The following LEF1 variants were observed in gnomAD, a reference collection of about 807,000 sequenced individuals.
The protein encoded by LEF1 is lymphoid enhancer-binding factor 1.
LEF1 carries 14 observed loss-of-function variants against 51.2 expected under a neutral mutation model. That is an observed-to-expected ratio of 0.27 (90% CI 0.18 to 0.43). The LOEUF (loss-of-function observed/expected upper bound fraction) is 0.43. Among genes scored for constraint, LEF1 ranks in the 20% least tolerant of loss-of-function variants. The pLI is 1.00. For synonymous variants in LEF1, 185 were observed against 183.2 expected (o/e 1.01, Z -0.08); for missense variants, 386 against 512.0 (o/e 0.75, Z 2.37).
chr4:108,105,488 G>A (rs943974032), intron 3 of LEF1, among the ~76,000 whole-genome samples: 3 of 152,028 alleles, frequency 2.0e-5, no homozygotes, highest in Non-Finnish European at 2.9e-5. Context: ...GCCTGAACCC[G>A]CTTTTAATAT....
chr4:108,117,765 G>A (rs1206827401), intron 3 of LEF1, among the ~76,000 whole-genome samples: 1 of 152,190 alleles, frequency 6.6e-6, no homozygotes, highest in African/African-American at 2.4e-5. Flanking sequence ...AAGGGTCCCA[G>A]CAATGGGCAG....
chr4:108,049,504 G>C (rs137891706), intron 11 of LEF1, among the ~76,000 whole-genome samples: 252 of 152,294 alleles, frequency 1.7e-3, no homozygotes, highest in Non-Finnish European at 2.1e-3. Flanking sequence ...AACAAGATGA[G>C]ACAAAGACAA....
intron 3 of LEF1, among the ~76,000 whole-genome samples, chr4:108,118,901 C>T (rs1453473004): frequency 6.6e-6 from 1 of 151,498 alleles, no homozygotes; most frequent in Non-Finnish European, 1.5e-5. Context: ...TATTCTTGAG[C>T]TTCTTTTTGG....
At chr4:108,054,163 C>T (rs1224953250) in intron 11 of LEF1, among the ~76,000 whole-genome samples, 1 of 152,190 alleles carries the variant, frequency 6.6e-6, no homozygotes, top group Non-Finnish European at 1.5e-5. Context: ...ATCCTGGGTC[C>T]ATCGGTTACC....
intron 3 of LEF1, among the ~76,000 whole-genome samples, chr4:108,093,805 T>C (rs1006038296): frequency 6.6e-6 from 1 of 152,156 alleles, no homozygotes; most frequent in Non-Finnish European, 1.5e-5. Context: ...CAAGGATGGC[T>C]GTTTAGGGAG....
intron 6 of LEF1, among the ~76,000 whole-genome samples, chr4:108,080,916 A>G (rs1225791261): frequency 6.6e-6 from 1 of 152,114 alleles, no homozygotes; most frequent in Non-Finnish European, 1.5e-5. Flanking sequence ...ATGTGTGTGT[A>G]CATCAAGCAC....
chr4:108,166,353 A>G (rs1264869422), intron 1 of LEF1: 1 of 1,507,788 alleles, frequency 6.6e-7, no homozygotes, highest in African/African-American at 1.4e-5. Flanking sequence ...CGCCCTCAAA[A>G]CCACACACTT....
At chr4:108,063,028 C>A (rs1219632442) in intron 11 of LEF1, among the ~76,000 whole-genome samples, 1 of 151,948 alleles carries the variant, frequency 6.6e-6, no homozygotes, top group Non-Finnish European at 1.5e-5. Context: ...AATACTAGAG[C>A]AAAATCTAGC....
At chr4:108,083,672 A>C (rs967428778) in intron 4 of LEF1, among the ~76,000 whole-genome samples, 3 of 152,224 alleles carry the variant, frequency 2.0e-5, no homozygotes, top group Non-Finnish European at 4.4e-5. Context: ...ACAGGAGTAA[A>C]GATGCTGCTA....
At chr4:108,143,831 C>T (rs1055436665) in intron 3 of LEF1, among the ~76,000 whole-genome samples, 9 of 152,148 alleles carry the variant, frequency 5.9e-5, no homozygotes, top group Non-Finnish European at 8.8e-5. Context: ...CAGTAGCCCC[C>T]GGAGCTGTGG....
chr4:108,153,846 T>C (rs752137551), intron 3 of LEF1, among the ~76,000 whole-genome samples: 2 of 152,196 alleles, frequency 1.3e-5, no homozygotes, highest in Non-Finnish European at 2.9e-5. Flanking sequence ...TATTTATTAA[T>C]AGAAAAAGAT....
chr4:108,095,557 C>T (rs1244634593), intron 3 of LEF1, among the ~76,000 whole-genome samples: 1 of 152,100 alleles, frequency 6.6e-6, no homozygotes, highest in Admixed American at 6.6e-5. Flanking sequence ...CCTGCTGTGG[C>T]CTCAACTGTA....
chr4:108,081,560 G>C (rs368538594), intron 6 of LEF1, 26 bp downstream of exon 6: 1 of 1,591,162 alleles, frequency 6.3e-7, no homozygotes, highest in African/African-American at 1.3e-5. Flanking sequence ...TTGTCCTCGA[G>C]CGCCCCAGTT....
intron 11 of LEF1, among the ~76,000 whole-genome samples, chr4:108,058,567 C>T (rs1349973601): frequency 1.3e-5 from 2 of 152,014 alleles, no homozygotes; most frequent in African/African-American, 4.8e-5. Context: ...TATCAAACCC[C>T]CAAATTCCGC....
At chr4:108,078,415 G>C (rs748101059) in intron 7 of LEF1, 33 bp from the exon 8 acceptor site, 1 of 1,613,824 alleles carries the variant, frequency 6.2e-7, no homozygotes, top group Non-Finnish European at 8.5e-7. Context: ...GTTAGGGGAA[G>C]GGGTTGAAGG....
Position 108,048,197 on chromosome 4 carries a change from A to C in LEF1, c.*561T>G, listed in dbSNP as rs77399430. 1 of 150,456 alleles carries C rather than the reference A, an allele frequency of 6.6e-6. No individual in the cohort carries two copies. Among genetic ancestry groups the C allele is most frequent in the Non-Finnish European group, 1.5e-5 (1 of 67,548 alleles). The allele number at this position is 150,456 out of a possible 1,614,324, so 9.3% of individuals were successfully genotyped here. A position where few individuals can be genotyped will look rare whatever the true frequency, so the allele number is the denominator to read the frequency against. ...TAAAAAAATTCAAGTTTAAAAAAGC[A>C]AAAAAAAACGATCCTTTTGCACTGT... On this transcript the variant is annotated 3_prime_UTR_variant, in exon 12 of 12. Transcript: ENST00000265165.
chr4:108,100,392 G>A (rs1039933211), intron 3 of LEF1, among the ~76,000 whole-genome samples: 4 of 152,170 alleles, frequency 2.6e-5, no homozygotes, highest in Non-Finnish European at 5.9e-5. Flanking sequence ...ATGGAAAACT[G>A]TAGTAGCAAA....
intron 8 of LEF1, among the ~76,000 whole-genome samples, chr4:108,074,397 C>T (rs1250857977): frequency 1.3e-5 from 2 of 151,748 alleles, no homozygotes; most frequent in Non-Finnish European, 1.5e-5. Flanking sequence ...CCTTTAATAG[C>T]CAGGAAGGTC....
chr4:108,054,922 A>C (rs1039174090), intron 11 of LEF1, among the ~76,000 whole-genome samples: 5 of 152,210 alleles, frequency 3.3e-5, no homozygotes, highest in Non-Finnish European at 7.3e-5. Context: ...TACTTTGCTA[A>C]AGGTCACAGA....
Sources: allele counts gnomAD v4.1 joint callset (sites outside exome capture counted in the v4.1 genomes callset), GRCh38; gene constraint gnomAD v4.1.1; transcripts MANE v1.5; gene names NCBI Gene and HGNC (gene_info 2026-07-23, HGNC 2026-07-21).